SYTL2: variants seen among roughly 807,000 people sequenced by gnomAD.
SYTL2 encodes synaptotagmin-like protein 2.
Under a neutral mutation model 198.7 loss-of-function variants are expected in SYTL2, and 165 were observed. That is an observed-to-expected ratio of 0.83 (90% confidence interval 0.73 to 0.94). The LOEUF (loss-of-function observed/expected upper bound fraction) is 0.94. Among genes scored for constraint, SYTL2 ranks in the 40% least tolerant of loss-of-function variants. SYTL2 has a pLI of 0.00. For missense variants in SYTL2, 2,835 were observed against 2,582.8 expected (o/e 1.10, Z -2.12); for synonymous variants, 966 against 917.7 (o/e 1.05, Z -0.95).
intron 13 of SYTL2, 119 bp downstream of exon 13, chr11:85,710,994 G>T (rs1170435424): frequency 1.4e-5 from 16 of 1,111,226 alleles, no homozygotes; most frequent in Non-Finnish European, 1.8e-5. Flanking sequence ...TTATGGATTA[G>T]AGAAACTGTT....
At chr11:85,848,620 T>C in the SYTL2 span, among the ~76,000 whole-genome samples, 20 of 152,364 alleles carry the variant, frequency 1.3e-4, no homozygotes, top group Non-Finnish European at 2.9e-4. Flanking sequence ...ACAAGTATGT[T>C]TCTTGATTTT....
upstream of SYTL2, among the ~76,000 whole-genome samples, chr11:85,813,587 G>A (rs1275281122): frequency 6.6e-6 from 1 of 152,196 alleles, no homozygotes; most frequent in Non-Finnish European, 1.5e-5. Context: ...AAGGTTAAAT[G>A]CACAGACTTT....
intron 12 of SYTL2, 97 bp from the exon 13 acceptor site, chr11:85,711,329 G>A: frequency 1.5e-6 from 2 of 1,321,560 alleles, no homozygotes; most frequent in Non-Finnish European, 2.1e-6. Flanking sequence ...GTATTCCACT[G>A]ACATTTACGC....
the SYTL2 span, among the ~76,000 whole-genome samples, chr11:85,835,100 T>C: frequency 1.3e-5 from 2 of 152,174 alleles, no homozygotes; most frequent in Non-Finnish European, 2.9e-5. Context: ...CAACTTATGA[T>C]GGGTTTATTA....
Position 85,726,986 on chromosome 11 carries a change from CT to C in SYTL2, c.2371del (p.Arg791GlufsTer2). 4 of 1,536,662 alleles carry C rather than the reference CT, an allele frequency of 2.6e-6. No homozygotes were observed. The highest frequency in any genetic ancestry group is 3.5e-6 in the Non-Finnish European group (4 of 1,147,014). On this transcript the variant is annotated frameshift_variant, in exon 8 of 20. Transcript: ENST00000359152. LOFTEE classifies it high-confidence loss of function. ...CCAAAAGGATATTCTGTCACTCACT[CT>C]TTTGTATTTCTCTCTCTGCACTTGG... ...KNQVQREKYKRVSDRISFWEG... is the reference protein window; with the variant it reads ...KNQVQREKYKXVSDRISFWEG...
Position 85,709,481 on chromosome 11 carries a change from C to G in SYTL2, c.5765G>C (p.Ser1922Thr). Reference protein sequence around the residue: ...SLSSVSGSVMSVYSGDFGNLE... With the variant: ...SLSSVSGSVMTVYSGDFGNLE... ...ATTGCCAAAGTCTCCACTATAAACA[C>G]TCATCACACTGCCACTCACCTGAAA... The change falls in exon 14 of 20, where the codon AGT (serine) becomes ACT (threonine). Residue 1922 changes from serine to threonine, a missense_variant. This residue lies in a region of SYTL2 where 2,645 missense variants were observed against 2,381.7 expected (regional missense o/e 1.11). Coordinates refer to ENST00000359152, the MANE Select transcript of SYTL2 (RefSeq NM_206927.4). 6.2e-7 allele frequency: 1 copy of G among 1,613,908 alleles called. No homozygotes were observed. Among genetic ancestry groups the G allele is most frequent in the Non-Finnish European group, 8.5e-7 (1 of 1,180,004 alleles).
intron 14 of SYTL2, chr11:85,708,226 C>T (rs2085559818): frequency 2.8e-6 from 1 of 362,078 alleles, no homozygotes; most frequent in African/African-American, 2.3e-5. Context: ...CTAGTTTGTT[C>T]CCCTCTGAGA....
At chr11:85,796,934 A>T (rs1302447984) in intron 1 of SYTL2, among the ~76,000 whole-genome samples, 1 of 152,232 alleles carries the variant, frequency 6.6e-6, no homozygotes, top group African/African-American at 2.4e-5. Flanking sequence ...CACGCCTGCA[A>T]TCCCAGCACC....
intron 1 of SYTL2, among the ~76,000 whole-genome samples, chr11:85,758,825 T>C (rs1339228844): frequency 2.0e-5 from 3 of 152,184 alleles, no homozygotes; most frequent in African/African-American, 7.2e-5. Context: ...TCAATACATA[T>C]GTAATGGGAA....
chr11:85,825,160 G>A, the SYTL2 span, among the ~76,000 whole-genome samples: 1 of 152,104 alleles, frequency 6.6e-6, no homozygotes, highest in African/African-American at 2.4e-5. Flanking sequence ...AGGCCGAGGC[G>A]GGCGGATCAC....
intron 1 of SYTL2, among the ~76,000 whole-genome samples, chr11:85,777,739 C>T (rs2092477014): frequency 6.8e-6 from 1 of 146,060 alleles, no homozygotes; most frequent in African/African-American, 2.5e-5. Flanking sequence ...GAGTAGGCTT[C>T]AGACACAAGA....
chr11:85,779,171 C>T (rs1387414647), intron 1 of SYTL2, among the ~76,000 whole-genome samples: 1 of 151,990 alleles, frequency 6.6e-6, no homozygotes, highest in Non-Finnish European at 1.5e-5. Context: ...GAAAATTAGG[C>T]TCGGTGGCTG....
At chr11:85,814,456 G>C (rs913605528), upstream of SYTL2, among the ~76,000 whole-genome samples, 2 of 152,242 alleles carry the variant, frequency 1.3e-5, no homozygotes, top group Non-Finnish European at 2.9e-5. Context: ...AGTGAGCTTA[G>C]AAAACTGCAG....
chr11:85,726,780 C>G lies in SYTL2; in HGVS notation c.2578G>C (p.Asp860His), dbSNP rs2089245744. ...NQAIPKRVVL[D>H]EDDQASQLSN... ...AGCTGGGATGCTTGATCATCCTCAT[C>G]TAAGACCACTCGTTTGGGAATGGCC... Residue 860 changes from aspartate (D) to histidine (H), a missense_variant, in exon 8 of 20, where the codon GAT becomes CAT. Asp to His is a moderately conservative substitution (Grantham distance 81). Coordinates refer to ENST00000359152, the MANE Select transcript of SYTL2 (RefSeq NM_206927.4). 1 of 1,536,196 alleles carries G rather than the reference C, an allele frequency of 6.5e-7. No homozygotes were observed. Among genetic ancestry groups the G allele is most frequent in the East Asian group, 2.4e-5 (1 of 40,922 alleles).
At chr11:85,800,659 G>T (rs1382515841) in intron 1 of SYTL2, among the ~76,000 whole-genome samples, 2 of 152,134 alleles carry the variant, frequency 1.3e-5, no homozygotes, top group Non-Finnish European at 2.9e-5. Flanking sequence ...TGGCTGCTGA[G>T]AGAGTGGACT....
chr11:85,729,820 A>G (rs983913676), intron 7 of SYTL2, among the ~76,000 whole-genome samples: 4 of 152,146 alleles, frequency 2.6e-5, no homozygotes, highest in African/African-American at 9.6e-5. Context: ...AGGTTTTTTG[A>G]AAAGATCAAT....
At chr11:85,851,832 C>T in the SYTL2 span, among the ~76,000 whole-genome samples, 298 of 152,284 alleles carry the variant, frequency 2.0e-3, 1 homozygote, top group African/African-American at 6.8e-3. Context: ...AAAAATTTTC[C>T]GCTGGTAGCT....
Position 85,727,086 on chromosome 11 carries a change from C to T in SYTL2, c.2272G>A (p.Val758Ile), listed in dbSNP as rs1373803941. Residue 758 changes from valine (V) to isoleucine (I), a missense_variant, in exon 8 of 20, where the codon GTT becomes ATT. By Grantham distance (29) the Val-to-Ile change is conservative. This residue lies in a region of SYTL2 where 2,645 missense variants were observed against 2,381.7 expected (regional missense o/e 1.11). Transcript: ENST00000359152. ...TTCCAAGGAGAGCCATTGTTGGCAA[C>T]CCCAGGTGTTGACTTAATATTCTCT... ...EPENIKSTPG[V>I]ANNGSPWKKP... 5 of 1,535,784 alleles carry T rather than the reference C, an allele frequency of 3.3e-6. No individual in the cohort carries two copies. The highest frequency in any genetic ancestry group is 1.2e-5 in the South Asian group (1 of 83,936).
chr11:85,802,880 C>G (rs191213156), intron 1 of SYTL2, among the ~76,000 whole-genome samples: 6 of 152,328 alleles, frequency 3.9e-5, no homozygotes, highest in African/African-American at 1.4e-4. Flanking sequence ...TATAACACAA[C>G]TAGTAAGTGC....
Sources: allele counts gnomAD v4.1 joint callset (sites outside exome capture counted in the v4.1 genomes callset), GRCh38; gene constraint gnomAD v4.1.1; regional missense constraint gnomAD v4.1.1; transcripts MANE v1.5; gene names NCBI Gene and HGNC (gene_info 2026-07-23, HGNC 2026-07-21).